GNAO1: variants seen among roughly 807,000 people sequenced by gnomAD.
The protein encoded by GNAO1 is G protein subunit alpha o1, also known as guanine nucleotide-binding protein G(o) subunit alpha.
For synonymous variants in GNAO1, 164 were observed against 180.7 expected (o/e 0.91, Z 0.74); for missense variants, 166 against 478.7 (o/e 0.35, Z 6.10).
intron 6 of GNAO1, chr16:56,344,233 G>A: frequency 2.2e-6 from 3 of 1,372,324 alleles, no homozygotes; most frequent in Non-Finnish European, 2.8e-6. Context: ...GGAAGCTGGG[G>A]GGACAGGGCA....
chr16:56,321,113 C>T (rs1240882883), intron 3 of GNAO1, among the ~76,000 whole-genome samples: 2 of 152,106 alleles, frequency 1.3e-5, no homozygotes, highest in Non-Finnish European at 2.9e-5. Flanking sequence ...AAGCCAGTGG[C>T]GCTGCAGGAA....
intron 2 of GNAO1, among the ~76,000 whole-genome samples, chr16:56,230,302 C>T (rs529841605): frequency 1.1e-4 from 16 of 152,264 alleles, no homozygotes; most frequent in Non-Finnish European, 2.2e-4. Context: ...GCCATTCGCC[C>T]CCTGTGCAAA....
intron 3 of GNAO1, among the ~76,000 whole-genome samples, chr16:56,287,850 T>C (rs1332350187): frequency 6.6e-6 from 1 of 151,732 alleles, no homozygotes; most frequent in African/African-American, 2.4e-5. Context: ...CCCAAAGAGA[T>C]AGAGACAAGG....
intron 6 of GNAO1, among the ~76,000 whole-genome samples, chr16:56,350,537 A>C (rs2037910725): frequency 6.6e-6 from 1 of 152,200 alleles, no homozygotes. Flanking sequence ...TGGGGCGCCC[A>C]TCACGTTCAT....
chr16:56,237,296 A>G (rs922689944), intron 2 of GNAO1, among the ~76,000 whole-genome samples: 1 of 152,228 alleles, frequency 6.6e-6, no homozygotes, highest in Admixed American at 6.5e-5. Context: ...GTTAAGCATC[A>G]TCTATGTACC....
chr16:56,252,297 C>T (rs771131850), intron 2 of GNAO1, among the ~76,000 whole-genome samples: 2 of 152,302 alleles, frequency 1.3e-5, no homozygotes, highest in Non-Finnish European at 2.9e-5. Context: ...ACTCCAAGTC[C>T]CCAAGGCTGG....
intron 2 of GNAO1, among the ~76,000 whole-genome samples, chr16:56,207,498 A>G (rs569595219): frequency 6.6e-6 from 1 of 152,032 alleles, no homozygotes; most frequent in South Asian, 2.1e-4. Context: ...TTCTGATTCT[A>G]GGTGTGTTTC....
chr16:56,220,903 G>A (rs1329192426), intron 2 of GNAO1, among the ~76,000 whole-genome samples: 4 of 151,978 alleles, frequency 2.6e-5, no homozygotes, highest in Admixed American at 6.6e-5. Context: ...GCCTGCCACC[G>A]CGACCTGCTG....
intron 2 of GNAO1, among the ~76,000 whole-genome samples, chr16:56,198,825 G>A (rs966242089): frequency 2.6e-5 from 4 of 152,196 alleles, no homozygotes; most frequent in African/African-American, 9.7e-5. Flanking sequence ...AGAAGCAGAA[G>A]GGGGGTGCTG....
At chr16:56,315,790 T>C (rs1203259707) in intron 3 of GNAO1, among the ~76,000 whole-genome samples, 1 of 151,960 alleles carries the variant, frequency 6.6e-6, no homozygotes, top group African/African-American at 2.4e-5. Flanking sequence ...ACACCTGTAA[T>C]CCCAGCACTT....
intron 2 of GNAO1, among the ~76,000 whole-genome samples, chr16:56,247,482 G>GTTTTTTTT (rs61650674): frequency 5.0e-5 from 6 of 119,676 alleles, no homozygotes; most frequent in Non-Finnish European, 7.0e-5. Context: ...TTAGGGTGAG[G>GTTTTTTTT]TTTTTTTTTT....
chr16:56,277,776 TACACACACACACACACAC>T (rs60891936), intron 3 of GNAO1, among the ~76,000 whole-genome samples: 19,491 of 108,068 alleles, frequency 0.18, 2,319 homozygotes, highest in Non-Finnish European at 0.24. Flanking sequence ...GCACACCCCC[TACACACACACACACACAC>T]ACACACACAC....
At chr16:56,214,742 T>A (rs1175787500) in intron 2 of GNAO1, among the ~76,000 whole-genome samples, 1 of 152,236 alleles carries the variant, frequency 6.6e-6, no homozygotes, top group Non-Finnish European at 1.5e-5. Context: ...ACACAGTAGC[T>A]GTCCCTCTGT....
chr16:56,218,502 C>A (rs1009945840), intron 2 of GNAO1, among the ~76,000 whole-genome samples: 3 of 151,960 alleles, frequency 2.0e-5, no homozygotes, highest in Non-Finnish European at 4.4e-5. Flanking sequence ...AACTTGGGGC[C>A]CAACTATACC....
chr16:56,292,215 C>G (rs1265499064), intron 3 of GNAO1, among the ~76,000 whole-genome samples: 1 of 152,184 alleles, frequency 6.6e-6, no homozygotes, highest in Non-Finnish European at 1.5e-5. Flanking sequence ...GTGCCTGAAG[C>G]AGGAGGAGCC....
chr16:56,240,100 G>A (rs991168356), intron 2 of GNAO1, among the ~76,000 whole-genome samples: 1 of 152,124 alleles, frequency 6.6e-6, no homozygotes, highest in Non-Finnish European at 1.5e-5. Flanking sequence ...CTGGATTTAG[G>A]GTGGGGACAC....
chr16:56,265,752 G>A (rs944178056), intron 2 of GNAO1, among the ~76,000 whole-genome samples: 2 of 152,206 alleles, frequency 1.3e-5, no homozygotes, highest in Non-Finnish European at 2.9e-5. Flanking sequence ...AGAACCACTG[G>A]TGGGAGGCAA....
intron 2 of GNAO1, among the ~76,000 whole-genome samples, chr16:56,249,640 A>G (rs993454122): frequency 6.6e-6 from 1 of 152,204 alleles, no homozygotes; most frequent in Non-Finnish European, 1.5e-5. Context: ...ATGAACACAT[A>G]TATCAAGAAG....
rs1289428537 is a variant in GNAO1, at chr16:56,334,849, C to T, written c.585C>T (p.Leu195=). 2 of 1,614,024 alleles carry T rather than the reference C, an allele frequency of 1.2e-6. No individual in the cohort carries two copies. Among genetic ancestry groups the T allele is most frequent in the Non-Finnish European group, 1.7e-6 (2 of 1,180,012 alleles). Residue 195 remains leucine, a synonymous_variant, in exon 5 of 9, where the codon CTC becomes CTT. Transcript: ENST00000262493. ...AAACCCACTTCACATTCAAGAACCT[C>T]CACTTCAGGTGAGGCCCAGAGAGGC... ...IVETHFTFKN[L]HFRLFDVGGQ... is the part of the protein sequence containing the mutation.
Sources: gnomAD v4.1 joint callset for allele counts (sites outside exome capture counted in the v4.1 genomes callset) on GRCh38, gnomAD v4.1.1 for gene constraint, MANE v1.5 for transcripts, NCBI Gene and HGNC (gene_info 2026-07-23, HGNC 2026-07-21) for gene names.